Variants in KCNG3 observed in about 807,000 individuals in gnomAD.
KCNG3 encodes the protein voltage-gated potassium channel regulatory subunit KCNG3.
KCNG3 carries 15 observed loss-of-function variants against 29.0 expected under a neutral mutation model. That is an observed-to-expected ratio of 0.52 (90% CI 0.35 to 0.80). The LOEUF (loss-of-function observed/expected upper bound fraction) is 0.80, where lower values mean the gene tolerates loss of function less well. Among genes scored for constraint, KCNG3 ranks in the 30% least tolerant of loss-of-function variants. KCNG3 has a pLI of 0.01. For missense variants in KCNG3, 512 were observed against 605.7 expected (o/e 0.85, Z 1.62); for synonymous variants, 322 against 248.9 (o/e 1.29, Z -2.76).
chr2:42,447,816 C>T (rs139768318), intron 1 of KCNG3, among the ~76,000 whole-genome samples: 1 of 152,246 alleles, frequency 6.6e-6, no homozygotes, highest in African/African-American at 2.4e-5. Context: ...GAATTACAGG[C>T]ATGAGCCCAG....
At chr2:42,422,576 T>C in the KCNG3 span, among the ~76,000 whole-genome samples, 9 of 152,260 alleles carry the variant, frequency 5.9e-5, no homozygotes, top group South Asian at 4.1e-4. Context: ...ATAAAAATGA[T>C]AGGACTCTTT....
chr2:42,491,351 ACTGGTTCAGTCAACTCC>A (rs1673871818), intron 1 of KCNG3, among the ~76,000 whole-genome samples: 2 of 152,234 alleles, frequency 1.3e-5, no homozygotes, highest in Middle Eastern at 3.4e-3. Context: ...TTGCTCATAT[ACTGGTTCAGTCAACTCC>A]CTCATTATCT....
intron 1 of KCNG3, among the ~76,000 whole-genome samples, chr2:42,476,990 C>A (rs1320888323): frequency 2.1e-5 from 3 of 146,164 alleles, no homozygotes; most frequent in Non-Finnish European, 4.5e-5. Context: ...TCGAGACCAT[C>A]CTGGCTAACA....
the KCNG3 span, among the ~76,000 whole-genome samples, chr2:42,421,184 C>T: frequency 3.2e-4 from 48 of 152,290 alleles, no homozygotes; most frequent in African/African-American, 1.1e-3. Context: ...AAAATGATTA[C>T]TTGAATTTAT....
At chr2:42,399,447 T>G in the KCNG3 span, among the ~76,000 whole-genome samples, 1 of 152,186 alleles carries the variant, frequency 6.6e-6, no homozygotes, top group Non-Finnish European at 1.5e-5. Context: ...TCTTTCAGCT[T>G]CAATTCTAAT....
At chr2:42,404,987 G>A in the KCNG3 span, among the ~76,000 whole-genome samples, 9 of 152,316 alleles carry the variant, frequency 5.9e-5, no homozygotes, top group African/African-American at 9.6e-5. Context: ...AAAAAAGTCA[G>A]TCCAAAGTTT....
intron 1 of KCNG3, among the ~76,000 whole-genome samples, chr2:42,464,662 C>A (rs1403003937): frequency 6.6e-6 from 1 of 152,198 alleles, no homozygotes; most frequent in Non-Finnish European, 1.5e-5. Flanking sequence ...TCTTCTCACG[C>A]CTCTTGCCTT....
At chr2:42,415,045 A>G in the KCNG3 span, among the ~76,000 whole-genome samples, 1 of 152,090 alleles carries the variant, frequency 6.6e-6, no homozygotes. Flanking sequence ...ATTTTCCTTG[A>G]TAGGGCTGAA....
At position 42,469,246 on chromosome 2, in the gene KCNG3, A is replaced by G. The variant is rs565079450; in HGVS notation, c.665+23591T>C. Among the ~76,000 whole-genome samples the G allele has an allele frequency of 9.9e-5, 15 of 151,876 alleles. No individual in the cohort carries two copies. The South Asian group carries it at 3.1e-3, about 32-fold the overall frequency. On this transcript the variant is annotated intron_variant, in intron 1 of 1. Transcript: ENST00000306078. ...AGCCTGGCCAACATGGGGAAACCCC[A>G]TCTCTACTAAAAATACAAAAATTAG...
At chr2:42,465,809 T>C (rs183584877) in intron 1 of KCNG3, among the ~76,000 whole-genome samples, 3 of 152,226 alleles carry the variant, frequency 2.0e-5, no homozygotes, top group East Asian at 1.9e-4. Context: ...TTTTAAAAAA[T>C]AGGCTATGTG....
At chr2:42,480,153 T>C (rs1673546245) in intron 1 of KCNG3, among the ~76,000 whole-genome samples, 3 of 152,236 alleles carry the variant, frequency 2.0e-5, no homozygotes, top group Admixed American at 6.5e-5. Flanking sequence ...AATTATTGTT[T>C]AGTACTTTGG....
intron 1 of KCNG3, among the ~76,000 whole-genome samples, chr2:42,450,918 A>C (rs1672733612): frequency 6.6e-6 from 1 of 152,192 alleles, no homozygotes. Flanking sequence ...GTTAAGATTA[A>C]ATGGGGCCAG....
chr2:42,447,729 G>A (rs1195052462), intron 1 of KCNG3, among the ~76,000 whole-genome samples: 2 of 151,698 alleles, frequency 1.3e-5, no homozygotes, highest in East Asian at 3.9e-4. Flanking sequence ...TAAAGATGGG[G>A]TCTTGCTATG....
intron 1 of KCNG3, among the ~76,000 whole-genome samples, chr2:42,447,988 C>T (rs2103666937): frequency 6.6e-6 from 1 of 152,298 alleles, no homozygotes; most frequent in Admixed American, 6.5e-5. Flanking sequence ...CCAAATTACC[C>T]ACCCACAGGC....
intron 1 of KCNG3, among the ~76,000 whole-genome samples, chr2:42,480,196 C>A (rs1572862566): frequency 1.3e-5 from 2 of 152,170 alleles, no homozygotes; most frequent in African/African-American, 4.8e-5. Context: ...CAGGGTGGTC[C>A]TCAGTTGGAT....
At chr2:42,447,151 T>C (rs144772191) in intron 1 of KCNG3, among the ~76,000 whole-genome samples, 1 of 145,176 alleles carries the variant, frequency 6.9e-6, no homozygotes, top group Non-Finnish European at 1.5e-5. Flanking sequence ...AGCCACCCAA[T>C]TCCCCTCCCT....
In KCNG3 at chr2:42,459,926, A is replaced by C. The variant is rs552063899; in HGVS notation, c.666-15347T>G. ...GGGAGGTGGAGCTTGCAGGGAGCCG[A>C]GATTGCACCACTGCACTCCAGCCTG... On this transcript the variant is annotated intron_variant, in intron 1 of 1. Coordinates refer to ENST00000306078, the MANE Select transcript of KCNG3 (RefSeq NM_133329.6). Among the ~76,000 whole-genome samples the C allele has an allele frequency of 3.3e-5, 5 of 151,424 alleles. No individual in the cohort carries two copies. The East Asian group carries it at 9.7e-4, about 29-fold the overall frequency.
chr2:42,460,445 T>C lies in KCNG3; in HGVS notation c.666-15866A>G, dbSNP rs148515344. Reference sequence around the variant, plus strand: ...TAAAACAGACTGAAAGTTTGCGACCTAGCAAAGGGTAAGATATACCCTCCC... The same window carrying C: ...TAAAACAGACTGAAAGTTTGCGACCCAGCAAAGGGTAAGATATACCCTCCC... On this transcript the variant is annotated intron_variant, in intron 1 of 1. Coordinates refer to ENST00000306078, the MANE Select transcript of KCNG3 (RefSeq NM_133329.6). Among the ~76,000 whole-genome samples, 393 of 152,252 alleles carry C rather than the reference T, an allele frequency of 2.6e-3. 3 individuals carry two copies. Among genetic ancestry groups the C allele is most frequent in the Non-Finnish European group, 4.5e-3 (304 of 68,016 alleles).
chr2:42,450,006 C>T (rs1459144716), intron 1 of KCNG3, among the ~76,000 whole-genome samples: 4 of 152,158 alleles, frequency 2.6e-5, no homozygotes, highest in African/African-American at 9.7e-5. Flanking sequence ...CAAGCCTCAC[C>T]ATCAAGTGGC....
Sources: gnomAD v4.1 joint callset for allele counts (sites outside exome capture counted in the v4.1 genomes callset) on GRCh38, gnomAD v4.1.1 for gene constraint, MANE v1.5 for transcripts, NCBI Gene and HGNC (gene_info 2026-07-23, HGNC 2026-07-21) for gene names.